The following NRG1 variants were observed in gnomAD, a reference collection of about 807,000 sequenced individuals.
NRG1 encodes the protein pro-neuregulin-1, membrane-bound isoform.
NRG1 carries 18 observed loss-of-function variants against 63.8 expected under a neutral mutation model. That is an observed-to-expected ratio of 0.28 (90% confidence interval 0.19 to 0.42). NRG1 has a LOEUF of 0.42. NRG1 is among the 10% of genes least tolerant of loss of function. NRG1 has a pLI of 1.00. For missense variants in NRG1, 762 were observed against 814.7 expected, an observed-to-expected ratio of 0.94 and a Z score of 0.79; for synonymous variants, 302 against 301.3, an observed-to-expected ratio of 1.00 and a Z score of -0.02.
At chr8:32,638,459 T>C (rs1052919850) in intron 5 of NRG1, among the ~76,000 whole-genome samples, 16 of 152,194 alleles carry the variant, frequency 1.1e-4, no homozygotes, top group Non-Finnish European at 1.5e-4. Flanking sequence ...AAATAACTAC[T>C]GAAATAGAAA....
intron 1 of NRG1, among the ~76,000 whole-genome samples, chr8:32,579,195 C>CTTTTTTTTTTTT (rs71208196): frequency 5.7e-5 from 6 of 105,440 alleles, no homozygotes; most frequent in African/African-American, 1.3e-4. Flanking sequence ...TTTCTTCTGT[C>CTTTTTTTTTTTT]TTTTTTTTTT....
intron 1 of NRG1, among the ~76,000 whole-genome samples, chr8:32,157,903 C>G (rs918456693): frequency 2.0e-5 from 3 of 152,060 alleles, no homozygotes; most frequent in Non-Finnish European, 4.4e-5. Context: ...GGAAACGGCA[C>G]GGCTTCTTTC....
At chr8:32,257,056 C>T (rs117087774) in intron 1 of NRG1, among the ~76,000 whole-genome samples, 1,781 of 152,262 alleles carry the variant, frequency 0.012, 14 homozygotes, top group Non-Finnish European at 0.02. Flanking sequence ...CTGCCAAGTA[C>T]GAACTTCTTG....
intron 1 of NRG1, among the ~76,000 whole-genome samples, chr8:32,465,106 C>T (rs543599527): frequency 8.6e-4 from 131 of 152,168 alleles, no homozygotes; most frequent in Non-Finnish European, 1.6e-3. Context: ...ATCTGGGAGG[C>T]GGAGGTTGCA....
intron 2 of NRG1, among the ~76,000 whole-genome samples, chr8:32,599,927 G>A (rs1844026693): frequency 6.6e-6 from 1 of 151,834 alleles, no homozygotes; most frequent in African/African-American, 2.4e-5. Context: ...TATTTTTACT[G>A]GTTGCTTTTT....
At chr8:32,759,316 C>A in exon 10 of NRG1, 1 of 1,613,572 alleles carries the variant, frequency 6.2e-7, no homozygotes, top group Non-Finnish European at 8.5e-7. Context: ...CAATACGTAT[C>A]TAAAAACGTC....
At chr8:31,659,703 AT>A (rs1463924714) in intron 1 of NRG1, among the ~76,000 whole-genome samples, 1 of 152,128 alleles carries the variant, frequency 6.6e-6, no homozygotes, top group East Asian at 1.9e-4. Context: ...TTGCTCAAAT[AT>A]TTTGGGCTCA....
chr8:31,953,847 C>T lies in NRG1; in HGVS notation c.37+314416C>T, dbSNP rs532506040. On this transcript the variant is annotated intron_variant, in intron 1 of 10. Coordinates refer to the NRG1 transcript ENST00000519301. The stretch of plus-strand genomic sequence containing the variant: ...GAGAAAGAGAACAAGAAGGTGATGT[C>T]GCACACGGAAAGAAGGACTTAAAAT... Among the ~76,000 whole-genome samples the T allele has an allele frequency of 1.9e-3, 293 of 152,174 alleles. 1 individual carries two copies. The highest frequency in any genetic ancestry group is 0.01 in the Middle Eastern group (3 of 294).
intron 1 of NRG1, among the ~76,000 whole-genome samples, chr8:32,067,043 C>T (rs1824951387): frequency 6.6e-6 from 1 of 152,102 alleles, no homozygotes; most frequent in South Asian, 2.1e-4. Context: ...GATTTTGTAT[C>T]CTGAGACTTT....
At chr8:32,262,105 T>C (rs1252586385) in intron 1 of NRG1, among the ~76,000 whole-genome samples, 1 of 152,218 alleles carries the variant, frequency 6.6e-6, no homozygotes, top group Non-Finnish European at 1.5e-5. Flanking sequence ...ACATGCAAGA[T>C]TGTTGTGAGC....
At chr8:32,070,589 C>A (rs964713592) in intron 1 of NRG1, among the ~76,000 whole-genome samples, 9 of 152,052 alleles carry the variant, frequency 5.9e-5, no homozygotes, top group African/African-American at 2.2e-4. Flanking sequence ...TCATAGCCAC[C>A]TTATCAAAAA....
chr8:32,328,271 C>A (rs1181207471), intron 1 of NRG1, among the ~76,000 whole-genome samples: 2 of 152,062 alleles, frequency 1.3e-5, no homozygotes, highest in Non-Finnish European at 2.9e-5. Flanking sequence ...CTTTCCAAGG[C>A]AATTATTTTG....
At chr8:32,219,638 A>G (rs958489866) in intron 1 of NRG1, among the ~76,000 whole-genome samples, 5 of 152,210 alleles carry the variant, frequency 3.3e-5, no homozygotes, top group African/African-American at 1.2e-4. Flanking sequence ...TGCTTAATAT[A>G]TTTCATTTGA....
chr8:32,274,098 G>A (rs1851830857), intron 1 of NRG1, among the ~76,000 whole-genome samples: 2 of 152,122 alleles, frequency 1.3e-5, no homozygotes, highest in Admixed American at 1.3e-4. Flanking sequence ...TCCTAAGCCA[G>A]AAATCTGAAA....
chr8:32,754,211 G>A (rs1589605091), intron 7 of NRG1, 161 bp from the exon 8 acceptor site: 1 of 643,104 alleles, frequency 1.6e-6, no homozygotes, highest in East Asian at 2.8e-5. Flanking sequence ...ATAGTGCAGA[G>A]CATGTTGTAC....
intron 1 of NRG1, among the ~76,000 whole-genome samples, chr8:31,868,137 AC>A: frequency 7.3e-6 from 1 of 137,270 alleles, no homozygotes. Flanking sequence ...ACACACACAC[AC>A]ATACATCTTA....
chr8:32,189,881 GA>G (rs1169422499), intron 1 of NRG1, among the ~76,000 whole-genome samples: 1 of 152,128 alleles, frequency 6.6e-6, no homozygotes, highest in Non-Finnish European at 1.5e-5. Flanking sequence ...CATGGTTATA[GA>G]AGGATCTAGT....
intron 1 of NRG1, among the ~76,000 whole-genome samples, chr8:32,166,050 T>TA (rs1350601053): frequency 6.6e-6 from 1 of 152,158 alleles, no homozygotes; most frequent in Admixed American, 6.5e-5. Flanking sequence ...CCATTTTTAT[T>TA]AAGACATTTA....
intron 1 of NRG1, among the ~76,000 whole-genome samples, chr8:32,148,756 C>A (rs1333599684): frequency 1.3e-5 from 2 of 151,984 alleles, no homozygotes; most frequent in Non-Finnish European, 2.9e-5. Flanking sequence ...ATGTAGACAC[C>A]CTTTCAATAA....
Sources: gnomAD v4.1 joint callset for allele counts (sites outside exome capture counted in the v4.1 genomes callset) on GRCh38, gnomAD v4.1.1 for gene constraint, MANE v1.5 for transcripts, NCBI Gene and HGNC (gene_info 2026-07-23, HGNC 2026-07-21) for gene names.